The following SNCAIP variants were observed in gnomAD, a reference collection of about 807,000 sequenced individuals.
SNCAIP encodes synphilin-1.
A neutral mutation model predicts 86.7 loss-of-function variants in SNCAIP; 43 were observed. The ratio of observed to expected loss-of-function variants is 0.50; its 90% CI spans 0.39 to 0.64. SNCAIP has a LOEUF of 0.64. Ranked by LOEUF, SNCAIP falls within the 30% of genes least tolerant of loss-of-function variation. The probability of loss-of-function intolerance (pLI) is 0.00; values close to 1 mark genes in which losing one functional copy is unlikely to be tolerated. For synonymous variants in SNCAIP, 417 were observed against 427.2 expected (o/e 0.98, Z 0.29); for missense variants, 981 against 1,103.1 (o/e 0.89, Z 1.57).
chr5:122,369,774 T>A (rs1444325494), intron 1 of SNCAIP: 1 of 152,296 alleles, frequency 6.6e-6, no homozygotes, highest in Non-Finnish European at 1.5e-5. Context: ...GGACCATGTA[T>A]GTGCCTCTGA....
chr5:122,357,790 C>T (rs1180272158), intron 1 of SNCAIP, among the ~76,000 whole-genome samples: 1 of 151,972 alleles, frequency 6.6e-6, no homozygotes, highest in Non-Finnish European at 1.5e-5. Flanking sequence ...AAATTCAGTC[C>T]CTCGATTGTA....
At position 122,423,703 on chromosome 5, in the gene SNCAIP, C is replaced by T. The variant is rs1333353373; in HGVS notation, c.966C>T (p.Ile322=). The T allele has an allele frequency of 2.5e-6, 4 of 1,604,046 alleles. No individual in the cohort carries two copies. Among genetic ancestry groups the T allele is most frequent in the African/African-American group, 1.3e-5 (1 of 74,928 alleles). The change falls in exon 4 of 11, where the codon ATC becomes ATT. Residue 322 remains isoleucine, a synonymous_variant. Transcript: ENST00000261368. The part of the protein sequence containing the change: ...RSEYLKKVKS[I]LNIVKEGQIS... Reference sequence around the variant, plus strand: ...AGTATCTGAAAAAAGTGAAAAGCATCTTGAACATTGTTAAAGAAGGACAGA... The same window carrying T: ...AGTATCTGAAAAAAGTGAAAAGCATTTTGAACATTGTTAAAGAAGGACAGA...
At chr5:122,411,169 A>G (rs1398013735) in intron 3 of SNCAIP, among the ~76,000 whole-genome samples, 5 of 152,226 alleles carry the variant, frequency 3.3e-5, no homozygotes, top group Non-Finnish European at 7.3e-5. Context: ...AATCTGCAGT[A>G]AAAAAGGATG....
In SNCAIP at chr5:122,403,848, A is replaced by C. The variant is rs1433194377; in HGVS notation, c.113A>C (p.Gln38Pro). 4 of 1,613,578 alleles carry C rather than the reference A, an allele frequency of 2.5e-6. No homozygotes were observed. The African/African-American group carries it at 4.0e-5, about 16-fold the overall frequency. The change falls in exon 3 of 11, where the codon CAA becomes CCA. Residue 38 changes from glutamine (Q) to proline (P), a missense_variant. Transcript: ENST00000261368. ...IPELCRRCDTQNEDRSVSSSS... is the reference protein window; with the variant it reads ...IPELCRRCDTPNEDRSVSSSS... The stretch of plus-strand genomic sequence containing the variant: ...GAACTGTGCCGAAGATGTGATACGC[A>C]AAACGAAGACAGATCAGGTAGGTTT...
intron 3 of SNCAIP, among the ~76,000 whole-genome samples, chr5:122,407,852 C>G (rs916815102): frequency 9.9e-5 from 15 of 152,156 alleles, no homozygotes; most frequent in African/African-American, 3.6e-4. Flanking sequence ...GGTCATGTAG[C>G]CTGTACTTCA....
chr5:122,428,062 G>C (rs1043993136), intron 5 of SNCAIP, among the ~76,000 whole-genome samples: 1 of 152,162 alleles, frequency 6.6e-6, no homozygotes, highest in Non-Finnish European at 1.5e-5. Context: ...TAAAAGGTGA[G>C]AGCAGTCTGT....
intron 3 of SNCAIP, among the ~76,000 whole-genome samples, chr5:122,410,168 T>G (rs1773827919): frequency 6.6e-6 from 1 of 152,204 alleles, no homozygotes; most frequent in Non-Finnish European, 1.5e-5. Flanking sequence ...GGTGATATGA[T>G]CCATTATTTT....
At chr5:122,364,467 C>A (rs1762776781) in intron 1 of SNCAIP, among the ~76,000 whole-genome samples, 2 of 152,174 alleles carry the variant, frequency 1.3e-5, no homozygotes, top group Non-Finnish European at 2.9e-5. Flanking sequence ...CTGTGCCCAG[C>A]CAATTTTCAA....
At chr5:122,338,948 T>C (rs1757031732) in intron 1 of SNCAIP, among the ~76,000 whole-genome samples, 3 of 152,074 alleles carry the variant, frequency 2.0e-5, no homozygotes, top group Non-Finnish European at 4.4e-5. Flanking sequence ...TCCTAGTAGA[T>C]TAATAATGGG....
At chr5:122,442,112 CTTTTTT>C (rs10688988) in intron 7 of SNCAIP, among the ~76,000 whole-genome samples, 1 of 65,732 alleles carries the variant, frequency 1.5e-5, no homozygotes, top group Non-Finnish European at 2.8e-5. Flanking sequence ...AAGCAGTACT[CTTTTTT>C]TTTTTTTTTT....
chr5:122,425,592 C>T (rs537255977), intron 5 of SNCAIP, 61 bp downstream of exon 5: 1 of 1,381,680 alleles, frequency 7.2e-7, no homozygotes, highest in East Asian at 2.3e-5. Context: ...TTTTAAGATT[C>T]CTTGTGAGCT....
chr5:122,366,239 A>G (rs1274230406), intron 1 of SNCAIP, among the ~76,000 whole-genome samples: 2 of 152,208 alleles, frequency 1.3e-5, no homozygotes, highest in Non-Finnish European at 2.9e-5. Context: ...GAAAAGGTCT[A>G]TTACCACCCA....
intron 1 of SNCAIP, among the ~76,000 whole-genome samples, chr5:122,314,826 A>G (rs1751371342): frequency 6.6e-6 from 1 of 152,244 alleles, no homozygotes; most frequent in Non-Finnish European, 1.5e-5. Context: ...GCCCTGGGAA[A>G]GTACTAATTG....
chr5:122,441,209 G>T, intron 7 of SNCAIP: 1 of 179,012 alleles, frequency 5.6e-6, no homozygotes, highest in East Asian at 1.4e-4. Context: ...GGAGTTGTAG[G>T]CTAGAGAGAG....
chr5:122,378,943 C>T (rs1378224895), intron 1 of SNCAIP, among the ~76,000 whole-genome samples: 2 of 141,194 alleles, frequency 1.4e-5, no homozygotes, highest in Non-Finnish European at 3.1e-5. Flanking sequence ...GTACTGTAGC[C>T]TTGTAGTATA....
At chr5:122,395,522 A>G (rs1259241520) in intron 2 of SNCAIP, among the ~76,000 whole-genome samples, 2 of 152,140 alleles carry the variant, frequency 1.3e-5, no homozygotes, top group Admixed American at 1.3e-4. Flanking sequence ...TAATGGCAAA[A>G]AATTATGTGG....
intron 6 of SNCAIP, among the ~76,000 whole-genome samples, chr5:122,432,550 C>T (rs959461651): frequency 6.6e-6 from 1 of 151,844 alleles, no homozygotes; most frequent in African/African-American, 2.4e-5. Flanking sequence ...TTACAGTAAA[C>T]ACATTTAACA....
intron 2 of SNCAIP, among the ~76,000 whole-genome samples, chr5:122,391,445 A>T (rs1259540987): frequency 6.6e-6 from 1 of 152,182 alleles, no homozygotes; most frequent in African/African-American, 2.4e-5. Flanking sequence ...ATGTGTTCCA[A>T]TGTTGTCAAA....
rs568255502 is a variant in SNCAIP at position 122,403,998 on chromosome 5, C to T, written c.130+133C>T. 1.8e-5 allele frequency: 13 copies of T among 708,758 alleles called. No individual in the cohort carries two copies. The African/African-American group carries it at 1.9e-4, about 11-fold the overall frequency. The allele number at this position is 708,758 out of a possible 1,614,324, so 43.9% of individuals were successfully genotyped here. A position where few individuals can be genotyped will look rare whatever the true frequency, so the allele number is the denominator to read the frequency against. ...CTTTACGGCTTCTCCACTCACACCACCCCCCACCTCATGCCCTGCCTTCAA... is the reference window on the plus strand; with the variant it reads ...CTTTACGGCTTCTCCACTCACACCATCCCCCACCTCATGCCCTGCCTTCAA... On this transcript the variant is annotated intron_variant, in intron 3 of 10. Coordinates refer to ENST00000261368, the MANE Select transcript of SNCAIP (RefSeq NM_005460.4).
Sources: allele counts gnomAD v4.1 joint callset (sites outside exome capture counted in the v4.1 genomes callset), GRCh38; gene constraint gnomAD v4.1.1; transcripts MANE v1.5; gene names NCBI Gene and HGNC (gene_info 2026-07-23, HGNC 2026-07-21).